Variants in UTY observed in about 807,000 individuals in gnomAD.
The protein encoded by UTY is histone demethylase UTY.
UTY carries 12 observed loss-of-function variants against 32.5 expected under a neutral mutation model. The ratio of observed to expected loss-of-function variants is 0.37; its 90% CI spans 0.24 to 0.60. The LOEUF (loss-of-function observed/expected upper bound fraction) is 0.60, where lower values mean the gene tolerates loss of function less well. Ranked by LOEUF, UTY falls within the 20% of genes least tolerant of loss-of-function variation. UTY has a pLI of 0.69. For synonymous variants in UTY, 131 were observed against 103.4 expected, an observed-to-expected ratio of 1.27 and a Z score of -1.62; for missense variants, 303 against 299.2, an observed-to-expected ratio of 1.01 and a Z score of -0.09.
At chrY:13,338,523 G>GAA (rs2061284841) in intron 17 of UTY, among the ~76,000 whole-genome samples, 1 of 20,991 alleles carries the variant, frequency 4.8e-5, no homozygotes, top group African/African-American at 1.9e-4. Context: ...TTCAAAAATG[G>GAA]AAAAAAAAAA....
chrY:13,445,244 AATATATATATATATATAT>A (rs60043171), intron 4 of UTY, among the ~76,000 whole-genome samples: 6 of 5,240 alleles, frequency 1.1e-3, no homozygotes, highest in Non-Finnish European at 1.9e-3. Context: ...TTTTTAAAAT[AATATATATATATATATAT>A]ATATATATAT....
intron 27 of UTY, among the ~76,000 whole-genome samples, chrY:13,282,657 T>C (rs2057089584): frequency 3.0e-5 from 1 of 33,768 alleles, no homozygotes. Flanking sequence ...GGGACAGGAA[T>C]TGCTCACTGG....
intron 21 of UTY, among the ~76,000 whole-genome samples, chrY:13,320,646 C>T: frequency 3.0e-5 from 1 of 33,749 alleles, no homozygotes; most frequent in Non-Finnish European, 7.4e-5. Context: ...ATTGAGTACT[C>T]TTATGAAGAA....
intron 2 of UTY, 122 bp from the exon 3 acceptor site, chrY:13,470,351 G>A: frequency 7.3e-6 from 1 of 137,472 alleles, no homozygotes; most frequent in South Asian, 7.2e-5. Flanking sequence ...TCTTCCATAG[G>A]CATAGGATTA....
intron 21 of UTY, among the ~76,000 whole-genome samples, chrY:13,311,848 A>C: frequency 3.0e-5 from 1 of 33,625 alleles, no homozygotes; most frequent in Admixed American, 2.7e-4. Flanking sequence ...TGCAACTGCA[A>C]CAAAAATGAA....
chrY:13,411,784 G>A (rs2070985974), intron 5 of UTY, among the ~76,000 whole-genome samples: 4 of 33,788 alleles, frequency 1.2e-4, no homozygotes, highest in African/African-American at 4.6e-4. Context: ...CACCTGGCCT[G>A]TTTGCCATTA....
intron 6 of UTY, among the ~76,000 whole-genome samples, chrY:13,401,184 C>T: frequency 6.0e-5 from 2 of 33,591 alleles, no homozygotes; most frequent in East Asian, 7.9e-4. Context: ...TGTAATGTGA[C>T]GCCTTCCACC....
intron 3 of UTY, among the ~76,000 whole-genome samples, chrY:13,465,123 A>C (rs561802322): frequency 6.0e-5 from 2 of 33,312 alleles, no homozygotes; most frequent in African/African-American, 2.3e-4. Flanking sequence ...ATACATAAAA[A>C]ATAATAAAAT....
At chrY:13,458,645 T>C (rs2077080924) in intron 3 of UTY, among the ~76,000 whole-genome samples, 1 of 33,048 alleles carries the variant, frequency 3.0e-5, no homozygotes, top group Admixed American at 2.8e-4. Flanking sequence ...TTTGAGTTCA[T>C]TGTAGATTCT....
chrY:13,378,034 CAT>C (rs2065582986), intron 8 of UTY, among the ~76,000 whole-genome samples: 379 of 33,179 alleles, frequency 0.011, no homozygotes, highest in African/African-American at 0.042. Flanking sequence ...AAAGAGCAGA[CAT>C]GTGTACTCAA....
chrY:13,321,064 T>C (rs952893925), intron 21 of UTY, among the ~76,000 whole-genome samples: 7 of 33,148 alleles, frequency 2.1e-4, no homozygotes, highest in Non-Finnish European at 3.0e-4. Flanking sequence ...TGGGCTCAGC[T>C]TTAAAAAAGT....
At chrY:13,458,449 C>T (rs2077021893) in intron 3 of UTY, among the ~76,000 whole-genome samples, 1 of 32,871 alleles carries the variant, frequency 3.0e-5, no homozygotes, top group Admixed American at 2.8e-4. Context: ...TTTTAATGAT[C>T]GCCATTCTAA....
At chrY:13,330,441 C>T (rs956036734) in intron 18 of UTY, among the ~76,000 whole-genome samples, 1 of 33,726 alleles carries the variant, frequency 3.0e-5, no homozygotes, top group South Asian at 6.7e-4. Flanking sequence ...AGGGACCTCC[C>T]TCCCTCAGCC....
intron 8 of UTY, among the ~76,000 whole-genome samples, chrY:13,370,661 C>T: frequency 3.0e-5 from 1 of 33,552 alleles, no homozygotes; most frequent in African/African-American, 1.2e-4. Context: ...AATATTTTAA[C>T]TGCAAAAAAT....
chrY:13,288,460 C>T (rs2057562424), intron 27 of UTY, among the ~76,000 whole-genome samples: 1 of 28,917 alleles, frequency 3.5e-5, no homozygotes, highest in Non-Finnish European at 8.1e-5. Context: ...ACAGCTTATG[C>T]TAAGCTGCCT....
In UTY at chrY:13,289,837, C is replaced by G. The variant is rs758537556; in HGVS notation, c.4010+7870G>C. Reference sequence around the variant, plus strand: ...TAACTATCAGAAATATATCTGGCACCCCAACATCAGAGTACCTACACATAT... The same window carrying G: ...TAACTATCAGAAATATATCTGGCACGCCAACATCAGAGTACCTACACATAT... On this transcript the variant is annotated intron_variant, in intron 27 of 29. Coordinates refer to ENST00000545955, the MANE Select transcript of UTY (RefSeq NM_001258249.2). 1.6e-4 allele frequency among the ~76,000 whole-genome samples: 5 copies of G among 32,203 alleles called. No homozygotes were observed. In the East Asian group the frequency reaches 4.0e-3, roughly 26 times the overall value. The allele number at this position is 32,203 out of a possible 37,273, so 86.4% of individuals were successfully genotyped here. A position where few individuals can be genotyped will look rare whatever the true frequency, so the allele number is the denominator to read the frequency against.
chrY:13,268,588 C>T (rs969303067), intron 27 of UTY, among the ~76,000 whole-genome samples: 4 of 33,488 alleles, frequency 1.2e-4, no homozygotes, highest in Non-Finnish European at 7.4e-5. Flanking sequence ...AGCTGTGATC[C>T]TTTGGAGGAG....
At chrY:13,354,446 G>T (rs2062653526) in intron 17 of UTY, among the ~76,000 whole-genome samples, 1 of 30,762 alleles carries the variant, frequency 3.3e-5, no homozygotes, top group African/African-American at 1.3e-4. Context: ...GGAAGAGAGG[G>T]AGCAAGGAAG....
At chrY:13,331,660 C>A in intron 18 of UTY, among the ~76,000 whole-genome samples, 1 of 33,299 alleles carries the variant, frequency 3.0e-5, no homozygotes, top group Non-Finnish European at 7.4e-5. Flanking sequence ...AGTTAAAGAA[C>A]CTTGATAAAA....
Sources: gnomAD v4.1 joint callset for allele counts (sites outside exome capture counted in the v4.1 genomes callset) on GRCh38, gnomAD v4.1.1 for gene constraint, MANE v1.5 for transcripts, NCBI Gene and HGNC (gene_info 2026-07-23, HGNC 2026-07-21) for gene names.